The following FYN variants were observed in gnomAD, a reference collection of about 807,000 sequenced individuals.
FYN encodes tyrosine-protein kinase Fyn.
Under a neutral mutation model 70.2 loss-of-function variants are expected in FYN, and 10 were observed. The ratio of observed to expected loss-of-function variants is 0.14; its 90% CI spans 0.09 to 0.24. The LOEUF is 0.24. FYN is among the 10% of genes least tolerant of loss of function. The pLI is 1.00. For synonymous variants in FYN, 236 were observed against 248.6 expected (o/e 0.95, Z 0.48); for missense variants, 319 against 673.1 (o/e 0.47, Z 5.82).
At chr6:111,856,743 C>G (rs576484513) in intron 1 of FYN, among the ~76,000 whole-genome samples, 2 of 151,954 alleles carry the variant, frequency 1.3e-5, no homozygotes, top group African/African-American at 2.4e-5. Context: ...GGCTCCCCCC[C>G]GACACACAAG....
chr6:111,782,720 C>A (rs9487715), intron 2 of FYN, among the ~76,000 whole-genome samples: 1,582 of 152,284 alleles, frequency 0.01, 30 homozygotes, highest in African/African-American at 0.036. Flanking sequence ...ACTCTCTCAA[C>A]CTTTCAGGTC....
intron 2 of FYN, among the ~76,000 whole-genome samples, chr6:111,804,257 CCT>C (rs1173691731): frequency 6.6e-6 from 1 of 152,148 alleles, no homozygotes; most frequent in East Asian, 1.9e-4. Flanking sequence ...ACCCACATCC[CCT>C]GTGATCATAA....
intron 12 of FYN, among the ~76,000 whole-genome samples, chr6:111,689,112 A>AT (rs1799185648): frequency 3.9e-5 from 6 of 152,360 alleles, no homozygotes; most frequent in Admixed American, 3.9e-4. Context: ...AAGAACTTTT[A>AT]TAGATAGCCC....
intron 2 of FYN, among the ~76,000 whole-genome samples, chr6:111,836,373 T>C (rs1287068587): frequency 6.6e-6 from 1 of 152,226 alleles, no homozygotes; most frequent in Admixed American, 6.5e-5. Flanking sequence ...GCCTAATATT[T>C]ACATGCAAAT....
chr6:111,767,641 CCA>C (rs1803283610), intron 3 of FYN, among the ~76,000 whole-genome samples: 3 of 152,168 alleles, frequency 2.0e-5, no homozygotes, highest in Admixed American at 2.0e-4. Flanking sequence ...ACCTTGTGAT[CCA>C]CCCACCTTGG....
chr6:111,859,863 ATTAAG>A (rs1462834507), intron 1 of FYN, among the ~76,000 whole-genome samples: 4 of 152,326 alleles, frequency 2.6e-5, no homozygotes, highest in East Asian at 3.9e-4. Context: ...TGTAGATGTA[ATTAAG>A]TTAAGAATAT....
At chr6:111,839,489 G>A (rs1339441370) in intron 2 of FYN, among the ~76,000 whole-genome samples, 2 of 152,086 alleles carry the variant, frequency 1.3e-5, no homozygotes, top group Non-Finnish European at 2.9e-5. Flanking sequence ...ATATTGGTCT[G>A]CATCAGTATA....
intron 1 of FYN, among the ~76,000 whole-genome samples, chr6:111,870,005 T>C (rs1307264984): frequency 1.3e-5 from 2 of 152,246 alleles, no homozygotes; most frequent in Non-Finnish European, 2.9e-5. Context: ...CATTAGCCTA[T>C]AAGTTTCTTG....
At chr6:111,691,550 C>T (rs1432188142) in intron 12 of FYN, among the ~76,000 whole-genome samples, 2 of 152,166 alleles carry the variant, frequency 1.3e-5, no homozygotes, top group Admixed American at 6.5e-5. Flanking sequence ...GCACACAGCA[C>T]ACATGCCATC....
At chr6:111,754,577 C>A (rs1413276421) in intron 3 of FYN, 1 of 152,132 alleles carries the variant, frequency 6.6e-6, no homozygotes, top group Non-Finnish European at 1.5e-5. Context: ...CTTCCTTGAG[C>A]AGTATGCTGT....
chr6:111,789,859 C>A (rs536980132), intron 2 of FYN, among the ~76,000 whole-genome samples: 1 of 152,158 alleles, frequency 6.6e-6, no homozygotes, highest in African/African-American at 2.4e-5. Flanking sequence ...CTCTTCCAAC[C>A]GGATTACTAC....
intron 2 of FYN, among the ~76,000 whole-genome samples, chr6:111,840,069 C>T (rs1014685935): frequency 2.0e-5 from 3 of 152,214 alleles, no homozygotes; most frequent in Admixed American, 6.5e-5. Context: ...GTTCTTAGAT[C>T]TTCCAAGTGG....
At chr6:111,779,122 T>A (rs9398283) in intron 3 of FYN, among the ~76,000 whole-genome samples, 3,971 of 41,338 alleles carry the variant, frequency 0.096, 50 homozygotes, top group East Asian at 0.37. Flanking sequence ...GTAGGAGACA[T>A]TTTTTTTTTT....
rs1772262481 is a variant in FYN, at chr6:111,809,677, G to GA, written c.-81-29043_-81-29042insT. On this transcript the variant is annotated intron_variant, in intron 2 of 13. Coordinates refer to ENST00000354650, the MANE Select transcript of FYN (RefSeq NM_002037.5). ...ATCCCCCTCTTCACTGGGGAGGTGTGGCCTTAGGCTCGGAGCCTTCAGGCA... is the reference window on the plus strand; with the variant it reads ...ATCCCCCTCTTCACTGGGGAGGTGTGAGCCTTAGGCTCGGAGCCTTCAGGCA... Among the ~76,000 whole-genome samples the GA allele has an allele frequency of 4.6e-5, 7 of 152,242 alleles. No homozygotes were observed. In the South Asian group the frequency reaches 1.5e-3, roughly 32 times the overall value.
At chr6:111,829,539 A>G (rs1055077444) in intron 2 of FYN, among the ~76,000 whole-genome samples, 1 of 152,192 alleles carries the variant, frequency 6.6e-6, no homozygotes, top group East Asian at 1.9e-4. Flanking sequence ...ACAGACACCA[A>G]TAAGCACAGA....
At chr6:111,732,312 A>G (rs1213964705) in intron 3 of FYN, among the ~76,000 whole-genome samples, 1 of 152,258 alleles carries the variant, frequency 6.6e-6, no homozygotes, top group African/African-American at 2.4e-5. Context: ...GTTGTCCTAC[A>G]GAGTGATTAA....
At chr6:111,748,235 A>G (rs997433532) in intron 3 of FYN, among the ~76,000 whole-genome samples, 1 of 152,242 alleles carries the variant, frequency 6.6e-6, no homozygotes, top group African/African-American at 2.4e-5. Flanking sequence ...TCATTCTGAT[A>G]GCAGTTATAG....
intron 3 of FYN, among the ~76,000 whole-genome samples, chr6:111,760,895 C>T (rs1042868611): frequency 9.2e-5 from 14 of 152,228 alleles, no homozygotes; most frequent in African/African-American, 3.4e-4. Flanking sequence ...TGCCCTCGGC[C>T]TTCTCCCTTT....
At chr6:111,806,522 G>C (rs1772155235) in intron 2 of FYN, among the ~76,000 whole-genome samples, 1 of 152,166 alleles carries the variant, frequency 6.6e-6, no homozygotes, top group East Asian at 1.9e-4. Flanking sequence ...AAAGGAAAAG[G>C]CTTGAAACAA....
Sources: gnomAD v4.1 joint callset for allele counts (sites outside exome capture counted in the v4.1 genomes callset) on GRCh38, gnomAD v4.1.1 for gene constraint, MANE v1.5 for transcripts, NCBI Gene and HGNC (gene_info 2026-07-23, HGNC 2026-07-21) for gene names.